Variants in PTGES2 observed in about 807,000 individuals in gnomAD.
The protein encoded by PTGES2 is GATE-binding factor 1.
Under a neutral mutation model 44.5 loss-of-function variants are expected in PTGES2, and 35 were observed. That is an observed-to-expected ratio of 0.79 (90% CI 0.60 to 1.04). The LOEUF is 1.04. Among genes scored for constraint, PTGES2 ranks in the 50% least tolerant of loss-of-function variants. The pLI is 0.00. For synonymous variants in PTGES2, 221 were observed against 227.5 expected, an observed-to-expected ratio of 0.97 and a Z score of 0.26; for missense variants, 517 against 521.4, an observed-to-expected ratio of 0.99 and a Z score of 0.08.
Position 128,122,922 on chromosome 9 carries a change from A to C in PTGES2, c.887+12T>G. 6.2e-7 allele frequency: 1 copy of C among 1,613,642 alleles called. No homozygotes were observed. Among genetic ancestry groups the C allele is most frequent in the Non-Finnish European group, 8.5e-7 (1 of 1,179,802 alleles). The stretch of plus-strand genomic sequence containing the variant: ...CGGGGACAGCAGGCCCCGGATGTGC[A>C]CACACACTTGCCTGCTCTTGAGTCG... On this transcript the variant is annotated intron_variant, in intron 5 of 6. Coordinates refer to ENST00000338961, the MANE Select transcript of PTGES2 (RefSeq NM_025072.7).
rs370570002 is a variant in PTGES2 at position 128,124,559 on chromosome 9, G to T, written c.478-9C>A. 1.1e-5 allele frequency: 17 copies of T among 1,612,854 alleles called. No individual in the cohort carries two copies. Among genetic ancestry groups the T allele is most frequent in the Non-Finnish European group, 1.7e-6 (2 of 1,179,244 alleles). On this transcript the variant is annotated splice_polypyrimidine_tract_variant and intron_variant, in intron 2 of 6. Transcript: ENST00000338961. ...GAGTCATTTAGTTGTTGCTGGAAGA[G>T]AAAAGGGTGGTTTAATCAGAGGTTG...
chr9:128,127,857 G>A, upstream of PTGES2: 2 of 873,126 alleles, frequency 2.3e-6, no homozygotes, highest in African/African-American at 1.8e-5. Flanking sequence ...GCGCTCTCGG[G>A]ACTGGGCGTG....
chr9:128,124,392 A>C, intron 3 of PTGES2, 100 bp downstream of exon 3: 1 of 1,063,146 alleles, frequency 9.4e-7, no homozygotes, highest in South Asian at 1.4e-5. Context: ...TGGAAATCTA[A>C]GCAGCAGCTC....
At chr9:128,124,722 G>C (rs1834554213) in intron 2 of PTGES2, 172 bp from the exon 3 acceptor site, 1 of 1,328,240 alleles carries the variant, frequency 7.5e-7, no homozygotes, top group Non-Finnish European at 9.9e-7. Flanking sequence ...ACGTGGTTGT[G>C]GCCAATGGGG....
At chr9:128,127,387 C>A in intron 1 of PTGES2, 52 bp downstream of exon 1, 1 of 1,315,352 alleles carries the variant, frequency 7.6e-7, no homozygotes, top group South Asian at 2.4e-5. Context: ...TCCCAGGAGT[C>A]CCGAGTTCGG....
chr9:128,122,529 A>G, intron 5 of PTGES2, 50 bp from the exon 6 acceptor site: 1 of 1,501,534 alleles, frequency 6.7e-7, no homozygotes, highest in Non-Finnish European at 9.3e-7. Flanking sequence ...CTCCCAGCCC[A>G]GCAGGGAAGA....
At chr9:128,125,501 C>T (rs1433043330) in intron 1 of PTGES2, 60 bp from the exon 2 acceptor site, 2 of 1,531,232 alleles carry the variant, frequency 1.3e-6, no homozygotes, top group Non-Finnish European at 1.8e-6. Context: ...AGGCCCTGCC[C>T]CCAAGGGTGT....
At chr9:128,126,499 C>G (rs534802313) in intron 1 of PTGES2, among the ~76,000 whole-genome samples, 2 of 152,218 alleles carry the variant, frequency 1.3e-5, no homozygotes, top group Non-Finnish European at 2.9e-5. Flanking sequence ...GGATGATGAA[C>G]GTTTGGAAAG....
chr9:128,124,903 C>A (rs752750634), intron 2 of PTGES2: 118 of 1,253,244 alleles, frequency 9.4e-5, no homozygotes, highest in Admixed American at 2.2e-4. Context: ...CTTGTTGACT[C>A]ATGAAGCAAG....
At position 128,121,136 on chromosome 9, in the gene PTGES2, C is replaced by G; in HGVS notation, c.*9G>C. ...TCCGCTGCCTTCCCTCTGCTCTGCGCGGGGACATTCAGTGCGCTGGGGAGG... is the reference window on the plus strand; with the variant it reads ...TCCGCTGCCTTCCCTCTGCTCTGCGGGGGGACATTCAGTGCGCTGGGGAGG... On this transcript the variant is annotated 3_prime_UTR_variant, in exon 7 of 7. Transcript: ENST00000338961. The G allele has an allele frequency of 6.3e-7, 1 of 1,578,906 alleles. No individual in the cohort carries two copies. Among genetic ancestry groups the G allele is most frequent in the Non-Finnish European group, 8.6e-7 (1 of 1,162,804 alleles).
rs1005641965 is a variant in PTGES2 at position 128,127,500 on chromosome 9, T to C, written c.218A>G (p.Tyr73Cys). The C allele has an allele frequency of 7.2e-7, 1 of 1,382,940 alleles. No homozygotes were observed. Among genetic ancestry groups the C allele is most frequent in the Non-Finnish European group, 9.4e-7 (1 of 1,064,988 alleles). The allele number at this position is 1,382,940 out of a possible 1,614,324, so 85.7% of individuals were successfully genotyped here. A position where few individuals can be genotyped will look rare whatever the true frequency, so the allele number is the denominator to read the frequency against. The change falls in exon 1 of 7, where the codon TAC becomes TGC. Residue 73 changes from tyrosine (Y) to cysteine (C), a missense_variant. Transcript: ENST00000338961. ...GCGCAGGTGCCACCGCGCCGTGTGG[T>C]ACAGCCCCAGGGCTCCCCCCAGGGC... ...ALALGGALGLYHTARWHLRAQ... is the reference protein window; with the variant it reads ...ALALGGALGLCHTARWHLRAQ...
chr9:128,127,940 A>G (rs1371759522), upstream of PTGES2: 9 of 429,802 alleles, frequency 2.1e-5, no homozygotes, highest in Non-Finnish European at 3.6e-5. Flanking sequence ...AGACCGTTCC[A>G]TGCTTCCGCC....
chr9:128,122,535 GA>G, intron 5 of PTGES2, 56 bp from the exon 6 acceptor site: 2 of 1,479,012 alleles, frequency 1.4e-6, no homozygotes, highest in Non-Finnish European at 1.9e-6. Context: ...GCCCAGCAGG[GA>G]AGAGGGTCTC....
chr9:128,122,136 G>A lies in PTGES2; in HGVS notation c.1005+226C>T, dbSNP rs572862478. On this transcript the variant is annotated intron_variant, in intron 6 of 6. Coordinates refer to ENST00000338961, the MANE Select transcript of PTGES2 (RefSeq NM_025072.7). ...CGGGCCTCTGGATCCAGCAGGGCCC[G>A]AAGCCAACCCGTTCCCTGAACTTGT... Among the ~76,000 whole-genome samples the A allele has an allele frequency of 3.3e-5, 5 of 152,276 alleles. No homozygotes were observed. In the East Asian group the frequency reaches 5.8e-4, roughly 18 times the overall value.
chr9:128,125,623 C>A (rs1216458840), intron 1 of PTGES2, among the ~76,000 whole-genome samples, 182 bp from the exon 2 acceptor site: 2 of 152,130 alleles, frequency 1.3e-5, no homozygotes, highest in African/African-American at 4.8e-5. Context: ...GTTTAAGCCC[C>A]TGGCCAGCAC....
In PTGES2 at chr9:128,123,746, G is replaced by A. The variant is rs746815164; in HGVS notation, c.642C>T (p.Asn214=). The part of the protein sequence containing the change: ...EFGNKYWLML[N]EKEAQQVYGG... ...CATACACTTGCTGGGCCTCCTTCTC[G>A]TTGAGCATGAGCCAGTACTTATTGC... The change falls in exon 4 of 7, where the codon AAC becomes AAT. Residue 214 remains asparagine, a synonymous_variant. Coordinates refer to ENST00000338961, the MANE Select transcript of PTGES2 (RefSeq NM_025072.7). This position sits in a 1 kb window ranked among gnomAD's most constrained non-coding sequence, Gnocchi z 4.4. 9.9e-6 allele frequency: 16 copies of A among 1,613,286 alleles called. No homozygotes were observed. Among genetic ancestry groups the A allele is most frequent in the African/African-American group, 5.3e-5 (4 of 74,852 alleles).
In PTGES2 at chr9:128,125,319, A is replaced by G. The variant is rs1242427824; in HGVS notation, c.402T>C (p.Pro134=). 2 of 1,614,034 alleles carry G rather than the reference A, an allele frequency of 1.2e-6. No individual in the cohort carries two copies. The highest frequency in any genetic ancestry group is 1.3e-5 in the African/African-American group (1 of 75,022). The change falls in exon 2 of 7, where the codon CCT becomes CCC. Residue 134 remains proline, a synonymous_variant. Coordinates refer to ENST00000338961, the MANE Select transcript of PTGES2 (RefSeq NM_025072.7). ...AGAACTTGATCTCAGCCCTGCGCAC[A>G]GGGTTCACCTCCACCACCTGGTAGG... is the stretch of plus-strand genomic sequence containing the variant. The part of the protein sequence containing the change: ...ALPYQVVEVN[P]VRRAEIKFSS...
At chr9:128,127,770 C>G, upstream of PTGES2, 1 of 1,239,358 alleles carries the variant, frequency 8.1e-7, no homozygotes, top group South Asian at 3.2e-5. Context: ...CGCCGAGGCA[C>G]GCGCGGCGTT....
upstream of PTGES2, chr9:128,127,903 C>T: frequency 2.1e-6 from 1 of 483,668 alleles, no homozygotes; most frequent in East Asian, 3.8e-5. Flanking sequence ...CCGCCAGAGC[C>T]GCAGAGGCCC....
Sources: gnomAD v4.1 joint callset for allele counts (sites outside exome capture counted in the v4.1 genomes callset) on GRCh38, gnomAD v4.1.1 for gene constraint, Gnocchi (gnomAD v3.1) non-coding constraint, MANE v1.5 for transcripts, NCBI Gene and HGNC (gene_info 2026-07-23, HGNC 2026-07-21) for gene names.